Variants in HS6ST3 observed in about 807,000 individuals in gnomAD.
The protein encoded by HS6ST3 is heparan sulfate 6-O-sulfotransferase 3, also known as heparan-sulfate 6-O-sulfotransferase 3.
A neutral mutation model predicts 36.7 loss-of-function variants in HS6ST3; 12 were observed. The observed-to-expected ratio is 0.33, with a 90% CI of 0.21 to 0.53. The LOEUF (loss-of-function observed/expected upper bound fraction) is 0.53, where lower values mean the gene tolerates loss of function less well. Ranked by LOEUF, HS6ST3 falls within the 20% of genes least tolerant of loss-of-function variation. The probability of loss-of-function intolerance (pLI) is 0.95; values close to 1 mark genes in which losing one functional copy is unlikely to be tolerated. For synonymous variants in HS6ST3, 240 were observed against 257.5 expected (o/e 0.93, Z 0.65); for missense variants, 584 against 640.9 (o/e 0.91, Z 0.96).
chr13:96,111,715 A>T (rs536343063), intron 1 of HS6ST3, among the ~76,000 whole-genome samples: 88 of 152,320 alleles, frequency 5.8e-4, no homozygotes, highest in African/African-American at 2.1e-3. Context: ...TATATCAGCA[A>T]TAAGCAACTA....
In HS6ST3 at chr13:96,550,622, A is replaced by T. The variant is rs150043193; in HGVS notation, c.708-281868A>T. Among the ~76,000 whole-genome samples, 7 of 150,718 alleles carry T rather than the reference A, an allele frequency of 4.6e-5. No homozygotes were observed. The East Asian group carries it at 1.2e-3, about 25-fold the overall frequency. On this transcript the variant is annotated intron_variant, in intron 1 of 1. Coordinates refer to ENST00000376705, the MANE Select transcript of HS6ST3 (RefSeq NM_153456.4). ...ATATAAAAATGGATTTCTGCAGCAG[A>T]CTCCTTAAATATAGGGACAATATTT...
intron 1 of HS6ST3, among the ~76,000 whole-genome samples, chr13:96,125,595 CAAAAT>C (rs1364736304): frequency 3.3e-5 from 5 of 151,890 alleles, no homozygotes; most frequent in East Asian, 1.9e-4. Context: ...ACAGTATAAA[CAAAAT>C]AAAAATAAGT....
chr13:96,495,132 A>AGGTTT (rs2055968449), intron 1 of HS6ST3, among the ~76,000 whole-genome samples: 1 of 152,096 alleles, frequency 6.6e-6, no homozygotes, highest in Non-Finnish European at 1.5e-5. Flanking sequence ...ACTCTGAGGA[A>AGGTTT]GGTTTTGTTT....
intron 1 of HS6ST3, among the ~76,000 whole-genome samples, chr13:96,416,834 G>A (rs1185383325): frequency 4.0e-5 from 6 of 150,528 alleles, no homozygotes; most frequent in Non-Finnish European, 7.4e-5. Flanking sequence ...CTCACTGCAA[G>A]CTCTGCCTCT....
At chr13:96,691,163 A>AG (rs899062520) in intron 1 of HS6ST3, among the ~76,000 whole-genome samples, 1 of 152,110 alleles carries the variant, frequency 6.6e-6, no homozygotes, top group African/African-American at 2.4e-5. Flanking sequence ...TGACATAAGG[A>AG]GGGGGTGTTT....
chr13:96,566,920 T>C (rs1305076365), intron 1 of HS6ST3, among the ~76,000 whole-genome samples: 1 of 152,194 alleles, frequency 6.6e-6, no homozygotes, highest in Non-Finnish European at 1.5e-5. Context: ...ATTTTTCTTT[T>C]GGAATTAAGC....
intron 1 of HS6ST3, among the ~76,000 whole-genome samples, chr13:96,647,519 A>G (rs562819366): frequency 6.6e-6 from 1 of 152,148 alleles, no homozygotes; most frequent in Non-Finnish European, 1.5e-5. Flanking sequence ...CCTTGTACCA[A>G]ATGTCACCTG....
At chr13:96,259,641 A>G (rs953409977) in intron 1 of HS6ST3, among the ~76,000 whole-genome samples, 3 of 152,224 alleles carry the variant, frequency 2.0e-5, no homozygotes, top group Non-Finnish European at 4.4e-5. Flanking sequence ...TGTGAAAGCC[A>G]CAACCCCAAC....
chr13:96,652,051 A>G lies in HS6ST3; in HGVS notation c.708-180439A>G, dbSNP rs1225223943. 3.3e-5 allele frequency among the ~76,000 whole-genome samples: 5 copies of G among 152,214 alleles called. No individual in the cohort carries two copies. The South Asian group carries it at 1.0e-3, about 32-fold the overall frequency. On this transcript the variant is annotated intron_variant, in intron 1 of 1. Transcript: ENST00000376705. ...ATATACATGACAAATGTGTATATAC[A>G]TATACTTGTATTAAACTTCTATTAT...
At chr13:96,561,597 G>A (rs1251109722) in intron 1 of HS6ST3, among the ~76,000 whole-genome samples, 2 of 151,946 alleles carry the variant, frequency 1.3e-5, no homozygotes, top group African/African-American at 4.8e-5. Context: ...GAGTAAACAG[G>A]CACCCTATTG....
intron 1 of HS6ST3, among the ~76,000 whole-genome samples, chr13:96,189,939 C>T (rs755012111): frequency 5.3e-5 from 8 of 152,124 alleles, no homozygotes; most frequent in East Asian, 1.9e-4. Flanking sequence ...TATTTGTGAG[C>T]GGTAGTGCAG....
chr13:96,645,964 T>C (rs575363987), intron 1 of HS6ST3, among the ~76,000 whole-genome samples: 1 of 151,906 alleles, frequency 6.6e-6, no homozygotes, highest in Admixed American at 6.6e-5. Flanking sequence ...AATTTTCAAT[T>C]GGATGCTATT....
intron 1 of HS6ST3, among the ~76,000 whole-genome samples, chr13:96,607,607 T>C (rs1396522101): frequency 6.6e-6 from 1 of 152,188 alleles, no homozygotes; most frequent in Non-Finnish European, 1.5e-5. Flanking sequence ...GTGTAAGTAC[T>C]TTACAAATGG....
intron 1 of HS6ST3, among the ~76,000 whole-genome samples, chr13:96,509,040 G>T (rs1040554957): frequency 6.6e-6 from 1 of 151,992 alleles, no homozygotes; most frequent in Non-Finnish European, 1.5e-5. Flanking sequence ...TTTAATAATG[G>T]TCATTCTTGC....
intron 1 of HS6ST3, among the ~76,000 whole-genome samples, chr13:96,153,556 G>T (rs536143985): frequency 1.4e-4 from 22 of 152,170 alleles, no homozygotes; most frequent in African/African-American, 5.1e-4. Flanking sequence ...AGAAGATGTG[G>T]CCGTTGGATC....
chr13:96,575,597 TAA>T (rs2056317621), intron 1 of HS6ST3, among the ~76,000 whole-genome samples: 2 of 152,238 alleles, frequency 1.3e-5, no homozygotes, highest in East Asian at 3.8e-4. Flanking sequence ...CATAGCTGTG[TAA>T]TTTCACAAGG....
chr13:96,386,801 G>A (rs61966959), intron 1 of HS6ST3, among the ~76,000 whole-genome samples: 2,100 of 152,288 alleles, frequency 0.014, 30 homozygotes, highest in Non-Finnish European at 0.019. Flanking sequence ...GGGAGGCAGA[G>A]GTTGCAGTGA....
chr13:96,537,234 C>T (rs1419640449), intron 1 of HS6ST3, among the ~76,000 whole-genome samples: 7 of 152,152 alleles, frequency 4.6e-5, no homozygotes, highest in Admixed American at 3.9e-4. Context: ...GAGGAAACCC[C>T]TTATAAAACC....
chr13:96,328,921 T>G (rs2055048419), intron 1 of HS6ST3, among the ~76,000 whole-genome samples: 1 of 152,138 alleles, frequency 6.6e-6, no homozygotes, highest in Admixed American at 6.5e-5. Flanking sequence ...GGAGTGTATG[T>G]GTCAAGGAAT....
Sources: allele counts gnomAD v4.1 joint callset (sites outside exome capture counted in the v4.1 genomes callset), GRCh38; gene constraint gnomAD v4.1.1; transcripts MANE v1.5; gene names NCBI Gene and HGNC (gene_info 2026-07-23, HGNC 2026-07-21).